Variants in ST3GAL3 observed in about 807,000 individuals in gnomAD.
ST3GAL3 encodes the protein ST3 beta-galactoside alpha-2,3-sialyltransferase 3, also known as CMP-N-acetylneuraminate-beta-1,4-galactoside alpha-2,3-sialyltransferase.
A neutral mutation model predicts 50.1 loss-of-function variants in ST3GAL3; 21 were observed. The observed-to-expected ratio is 0.42, with a 90% CI of 0.30 to 0.60. The LOEUF is 0.60. Ranked by LOEUF, ST3GAL3 falls within the 20% of genes least tolerant of loss-of-function variation. The pLI is 0.19. For synonymous variants in ST3GAL3, 183 were observed against 190.0 expected (o/e 0.96, Z 0.30); for missense variants, 353 against 489.4 (o/e 0.72, Z 2.63).
chr1:43,807,696 A>G (rs1479449212), intron 3 of ST3GAL3, among the ~76,000 whole-genome samples: 3 of 152,228 alleles, frequency 2.0e-5, no homozygotes, highest in Non-Finnish European at 2.9e-5. Flanking sequence ...GGCTTGGCCG[A>G]GAAGAGTAGA....
At chr1:43,850,261 CTG>C (rs2067033587) in intron 5 of ST3GAL3, 7 of 456,434 alleles carry the variant, frequency 1.5e-5, no homozygotes, top group Non-Finnish European at 2.6e-5. Context: ...GTAGCTTCCT[CTG>C]TGGCACCAGG....
At chr1:43,890,131 T>G (rs977081971) in intron 5 of ST3GAL3, among the ~76,000 whole-genome samples, 5 of 152,180 alleles carry the variant, frequency 3.3e-5, no homozygotes, top group Non-Finnish European at 7.3e-5. Flanking sequence ...AAAATTATAG[T>G]TAAAATTTTA....
chr1:43,818,224 G>A (rs534337622), intron 4 of ST3GAL3, among the ~76,000 whole-genome samples: 55 of 152,056 alleles, frequency 3.6e-4, no homozygotes, highest in Admixed American at 3.3e-3. Flanking sequence ...CACATTAACT[G>A]GAACCCCAAA....
chr1:43,824,120 C>T (rs1291471200), intron 4 of ST3GAL3, among the ~76,000 whole-genome samples: 1 of 152,090 alleles, frequency 6.6e-6, no homozygotes, highest in Non-Finnish European at 1.5e-5. Flanking sequence ...TTCAATCAAT[C>T]GAGGACAGAA....
chr1:43,814,545 C>T lies in ST3GAL3; in HGVS notation c.167-346C>T, dbSNP rs117260406. ...TGCTGTGTTTAGAGCTTAGAGGAAG[C>T]AGATACTGCATCTGAGCCTCTTGCT... is the stretch of plus-strand genomic sequence containing the variant. On this transcript the variant is annotated intron_variant, in intron 3 of 11. Coordinates refer to ENST00000347631, the MANE Select transcript of ST3GAL3 (RefSeq NM_006279.5). Among the ~76,000 whole-genome samples the T allele has an allele frequency of 8.5e-5, 13 of 152,294 alleles. No individual in the cohort carries two copies. The East Asian group carries it at 2.3e-3, about 27-fold the overall frequency.
intron 5 of ST3GAL3, chr1:43,841,004 T>G (rs2065279885): frequency 6.6e-6 from 1 of 152,266 alleles, no homozygotes; most frequent in South Asian, 2.1e-4. Context: ...AGGCAGTCAT[T>G]AAATCTTAAA....
At chr1:43,718,692 T>C (rs1371074564) in intron 1 of ST3GAL3, among the ~76,000 whole-genome samples, 1 of 141,540 alleles carries the variant, frequency 7.1e-6, no homozygotes, top group African/African-American at 2.6e-5. Flanking sequence ...TTTTTTTTTT[T>C]TTTTTTTTTT....
At chr1:43,734,025 G>T (rs1012534733) in intron 1 of ST3GAL3, among the ~76,000 whole-genome samples, 1 of 152,116 alleles carries the variant, frequency 6.6e-6, no homozygotes, top group African/African-American at 2.4e-5. Flanking sequence ...CAGGAGAATC[G>T]CTTGAACCCG....
At position 43,812,391 on chromosome 1, in the gene ST3GAL3, C is replaced by T. The variant is rs550160128; in HGVS notation, c.167-2500C>T. Among the ~76,000 whole-genome samples, 18 of 152,254 alleles carry T rather than the reference C, an allele frequency of 1.2e-4. No homozygotes were observed. The South Asian group carries it at 2.9e-3, about 25-fold the overall frequency. ...TGGGCTCTGACGCTAGAGCCAAGGG[C>T]GAGCTGTCATTTATCATCAGTGGGT... is the stretch of plus-strand genomic sequence containing the variant. On this transcript the variant is annotated intron_variant, in intron 3 of 11. Coordinates refer to ENST00000347631, the MANE Select transcript of ST3GAL3 (RefSeq NM_006279.5).
intron 9 of ST3GAL3, among the ~76,000 whole-genome samples, chr1:43,916,175 T>C (rs1766964): frequency 0.096 from 14,573 of 152,306 alleles, 917 homozygotes; most frequent in South Asian, 0.22. Flanking sequence ...TGTACAATTA[T>C]GTATTGTGTA....
intron 5 of ST3GAL3, among the ~76,000 whole-genome samples, chr1:43,847,117 G>T (rs1574147964): frequency 6.6e-6 from 1 of 152,172 alleles, no homozygotes; most frequent in African/African-American, 2.4e-5. Flanking sequence ...CATCCATTAG[G>T]ATACTATGGC....
chr1:43,859,064 T>C (rs1558613541), intron 5 of ST3GAL3, among the ~76,000 whole-genome samples: 2 of 152,104 alleles, frequency 1.3e-5, no homozygotes, highest in African/African-American at 2.4e-5. Flanking sequence ...TGCACGTAGG[T>C]CCATACACAG....
At chr1:43,817,887 T>TCCTCC (rs746376891) in intron 4 of ST3GAL3, among the ~76,000 whole-genome samples, 2 of 131,770 alleles carry the variant, frequency 1.5e-5, no homozygotes, top group Admixed American at 7.6e-5. Context: ...CTCCTCCTTC[T>TCCTCC]TTCTTCTTTC....
chr1:43,872,914 T>C (rs1281503376), intron 5 of ST3GAL3, among the ~76,000 whole-genome samples: 2 of 152,166 alleles, frequency 1.3e-5, no homozygotes, highest in African/African-American at 4.8e-5. Flanking sequence ...TGCTGATATC[T>C]TGGGGAAGAG....
chr1:43,816,430 A>G (rs971211246), intron 4 of ST3GAL3, among the ~76,000 whole-genome samples: 1 of 152,226 alleles, frequency 6.6e-6, no homozygotes, highest in Non-Finnish European at 1.5e-5. Flanking sequence ...TCATGTTAAC[A>G]TCTAGGGAAT....
chr1:43,792,018 G>A lies in ST3GAL3; in HGVS notation c.119-84G>A. Reference sequence around the variant, plus strand: ...TCCCTTCCAGTTGACTCTGCTTTGAGGGAGGGTTTGGGCAGAGCCAGTGGG... The same window carrying A: ...TCCCTTCCAGTTGACTCTGCTTTGAAGGAGGGTTTGGGCAGAGCCAGTGGG... On this transcript the variant is annotated intron_variant, in intron 2 of 11. Coordinates refer to ENST00000347631, the MANE Select transcript of ST3GAL3 (RefSeq NM_006279.5). 2.0e-6 allele frequency: 3 copies of A among 1,520,536 alleles called. No homozygotes were observed. The Admixed American group carries it at 5.0e-5, about 25-fold the overall frequency. 94.2% of individuals were successfully genotyped at this position (1,520,536 alleles called of 1,614,324 possible).
chr1:43,723,519 G>A (rs1477209409), intron 1 of ST3GAL3, among the ~76,000 whole-genome samples: 1 of 152,138 alleles, frequency 6.6e-6, no homozygotes, highest in Non-Finnish European at 1.5e-5. Context: ...TTCTTATACA[G>A]CCTACAGAAC....
At chr1:43,803,167 G>A (rs545102177) in intron 3 of ST3GAL3, among the ~76,000 whole-genome samples, 6 of 152,152 alleles carry the variant, frequency 3.9e-5, no homozygotes, top group African/African-American at 9.6e-5. Context: ...CTTGTGATCC[G>A]CCCGCGTTGG....
intron 5 of ST3GAL3, among the ~76,000 whole-genome samples, chr1:43,857,970 T>A (rs1477013790): frequency 6.6e-6 from 1 of 152,200 alleles, no homozygotes; most frequent in African/African-American, 2.4e-5. Context: ...ATCATCATTC[T>A]GTGACAAAAT....
Sources: allele counts gnomAD v4.1 joint callset (sites outside exome capture counted in the v4.1 genomes callset), GRCh38; gene constraint gnomAD v4.1.1; transcripts MANE v1.5; gene names NCBI Gene and HGNC (gene_info 2026-07-23, HGNC 2026-07-21).